The following DDHD2 variants were observed in gnomAD, a reference collection of about 807,000 sequenced individuals.
The protein encoded by DDHD2 is DDHD domain containing 2.
In DDHD2, 62 loss-of-function variants were observed where a neutral mutation model predicts 91.2. That is an observed-to-expected ratio of 0.68 (90% CI 0.55 to 0.84). DDHD2 has a LOEUF of 0.84. Among genes scored for constraint, DDHD2 ranks in the 40% least tolerant of loss-of-function variants. The pLI is 0.00. For synonymous variants in DDHD2, 271 were observed against 293.9 expected, an observed-to-expected ratio of 0.92 and a Z score of 0.80; for missense variants, 740 against 846.9, an observed-to-expected ratio of 0.87 and a Z score of 1.57.
At chr8:38,268,900 GA>G in intron 1 of DDHD2, 1 of 1,557,224 alleles carries the variant, frequency 6.4e-7, no homozygotes, top group Non-Finnish European at 8.6e-7. Flanking sequence ...GCTTGGTGGG[GA>G]AATACTCCGC....
chr8:38,251,609 A>T, intron 11 of DDHD2: 2 of 245,678 alleles, frequency 8.1e-6, no homozygotes. Flanking sequence ...TAACAATTTA[A>T]GGCAATAATT....
intron 3 of DDHD2, among the ~76,000 whole-genome samples, chr8:38,236,188 A>G (rs757262523): frequency 5.6e-4 from 84 of 148,796 alleles, no homozygotes; most frequent in Non-Finnish European, 1.0e-3. Context: ...AATTTTTTGT[A>G]TTTTTAGTAG....
downstream of DDHD2, chr8:38,271,560 GA>G: frequency 6.6e-6 from 1 of 152,270 alleles, no homozygotes; most frequent in Non-Finnish European, 1.5e-5. Context: ...TAGTCCATCT[GA>G]AAATGGAAGC....
At chr8:38,250,091 A>G (rs982741423) in intron 11 of DDHD2, 4 of 181,622 alleles carry the variant, frequency 2.2e-5, no homozygotes, top group Non-Finnish European at 3.5e-5. Flanking sequence ...TAATTTTTGT[A>G]TTTTTAATAG....
chr8:38,238,150 A>T lies in DDHD2; in HGVS notation c.563A>T (p.Gln188Leu), dbSNP rs764482666. The T allele has an allele frequency of 6.2e-7, 1 of 1,614,094 alleles. No homozygotes were observed. Among genetic ancestry groups the T allele is most frequent in the South Asian group, 1.1e-5 (1 of 91,056 alleles). Residue 188 changes from glutamine (Q) to leucine (L), a missense_variant, in exon 5 of 18, where the codon CAG (glutamine) becomes CTG (leucine). Physicochemically the swap from Gln to Leu is moderately radical, Grantham distance 113. Transcript: ENST00000397166. ...GATTGGGGTTCAACACCCACGGAGC[A>T]GGGTCGACCAAGAACTGTGAAGAGA... Reference protein sequence around the residue: ...SDDWGSTPTEQGRPRTVKRGV... With the variant: ...SDDWGSTPTELGRPRTVKRGV...
At position 38,251,924 on chromosome 8, in the gene DDHD2, C is replaced by T; in HGVS notation, c.1357C>T (p.Pro453Ser). The T allele has an allele frequency of 6.2e-7, 1 of 1,613,372 alleles. No individual in the cohort carries two copies. ...TRKNSMGIKR[P>S]APQPASGANI... is the part of the protein sequence containing the mutation. ...TTTTATTCTTTAGGGTATTAAGAGA[C>T]CAGCCCCGCAGCCTGCTTCAGGGGC... is the stretch of plus-strand genomic sequence containing the variant. The change falls in exon 12 of 18, where the codon CCA becomes TCA. Residue 453 changes from proline to serine, a missense_variant. Pro to Ser is a moderately conservative substitution (Grantham distance 74). Around this residue, in one of 2 missense-constraint regions of DDHD2, gnomAD observed 693 missense variants for 764.2 expected, o/e 0.91. Coordinates refer to ENST00000397166, the MANE Select transcript of DDHD2 (RefSeq NM_015214.3).
downstream of DDHD2, chr8:38,272,171 A>G (rs1360874769): frequency 4.6e-5 from 7 of 152,236 alleles, no homozygotes; most frequent in Non-Finnish European, 1.0e-4. Context: ...TTTTGTGTAA[A>G]TGGCAGAAGG....
chr8:38,238,600 C>T (rs985278336), intron 5 of DDHD2: 1 of 1,002,998 alleles, frequency 1.0e-6, no homozygotes, highest in South Asian at 4.3e-5. Context: ...GCACTGCTAT[C>T]TAGGTAGGGT....
At chr8:38,237,706 A>T in intron 4 of DDHD2, 79 bp downstream of exon 4, 1 of 777,238 alleles carries the variant, frequency 1.3e-6, no homozygotes, top group Non-Finnish European at 2.0e-6. Flanking sequence ...TCTTTTGCTA[A>T]GCACTCTGTG....
chr8:38,240,323 G>A lies in DDHD2; in HGVS notation c.671G>A (p.Gly224Glu), dbSNP rs1423370334. The A allele has an allele frequency of 6.2e-7, 1 of 1,610,764 alleles. No homozygotes were observed. Among genetic ancestry groups the A allele is most frequent in the Admixed American group, 1.7e-5 (1 of 59,988 alleles). Reference protein sequence around the residue: ...DHLVFVVHGIGPACDLRFRSI... With the variant: ...DHLVFVVHGIEPACDLRFRSI... ...TTGGTTTTTGTAGTCCATGGGATTG[G>A]ACCAGCTTGTGATCTCCGCTTTCGA... Residue 224 changes from glycine (G) to glutamate (E), a missense_variant, in exon 6 of 18, where the codon GGA (glycine) becomes GAA (glutamate). This residue lies in a region of DDHD2 where 693 missense variants were observed against 764.2 expected (regional missense o/e 0.91). Coordinates refer to ENST00000397166, the MANE Select transcript of DDHD2 (RefSeq NM_015214.3).
chr8:38,246,224 T>C lies in DDHD2; in HGVS notation c.1058-9T>C. On this transcript the variant is annotated splice_polypyrimidine_tract_variant and intron_variant, in intron 8 of 17. Coordinates refer to ENST00000397166, the MANE Select transcript of DDHD2 (RefSeq NM_015214.3). ...TTAGAAATTGTCCCTTCTTCTATTT[T>C]ACTTATAGGTTCGCTTATATTGTTT... 1 of 1,586,694 alleles carries C rather than the reference T, an allele frequency of 6.3e-7. No homozygotes were observed. The highest frequency in any genetic ancestry group is 2.2e-5 in the East Asian group (1 of 44,716).
At position 38,251,931 on chromosome 8, in the gene DDHD2, C is replaced by G; in HGVS notation, c.1364C>G (p.Pro455Arg). Residue 455 changes from proline (P) to arginine (R), a missense_variant, in exon 12 of 18, where the codon CCG becomes CGG. Transcript: ENST00000397166. ...CTTTAGGGTATTAAGAGACCAGCCC[C>G]GCAGCCTGCTTCAGGGGCAAACATC... ...KNSMGIKRPA[P>R]QPASGANIPK... 6.2e-7 allele frequency: 1 copy of G among 1,613,890 alleles called. No homozygotes were observed. The highest frequency in any genetic ancestry group is 8.5e-7 in the Non-Finnish European group (1 of 1,179,830).
At chr8:38,264,491 G>A (rs1807284808), downstream of DDHD2, 3 of 1,553,840 alleles carry the variant, frequency 1.9e-6, no homozygotes, top group South Asian at 1.2e-5. Flanking sequence ...GCAGTGGAAA[G>A]TACAAGTTTG....
rs541551339 is a variant in DDHD2, at chr8:38,232,212, C to T, written c.-9+353C>T. Reference sequence around the variant, plus strand: ...CGTCTGCCGTCCCGCCGGGCCCGCGCGAGATGCCCTCCTGCCCCCCGCCCT... The same window carrying T: ...CGTCTGCCGTCCCGCCGGGCCCGCGTGAGATGCCCTCCTGCCCCCCGCCCT... On this transcript the variant is annotated intron_variant, in intron 1 of 17. Transcript: ENST00000397166. 258 of 153,276 alleles carry T rather than the reference C, an allele frequency of 1.7e-3. 1 individual carries two copies. The highest frequency in any genetic ancestry group is 3.4e-3 in the Middle Eastern group (1 of 298). The allele number at this position is 153,276 out of a possible 1,614,324, so 9.5% of individuals were successfully genotyped here. A position where few individuals can be genotyped will look rare whatever the true frequency, so the allele number is the denominator to read the frequency against.
chr8:38,253,772 T>C lies in DDHD2; in HGVS notation c.2054+54T>C, dbSNP rs901944. The C allele has an allele frequency of 3.8e-6, 6 of 1,561,976 alleles. No individual in the cohort carries two copies. In the South Asian group the frequency reaches 5.7e-5, roughly 15 times the overall value. ...GTTTGTTTACCTGTTTCATAGATATTTGATAGATGTAGAAAAAGGAGGATA... is the reference window on the plus strand; with the variant it reads ...GTTTGTTTACCTGTTTCATAGATATCTGATAGATGTAGAAAAAGGAGGATA... On this transcript the variant is annotated intron_variant, in intron 16 of 17. Coordinates refer to ENST00000397166, the MANE Select transcript of DDHD2 (RefSeq NM_015214.3).
chr8:38,247,287 A>G (rs1805717223), intron 9 of DDHD2: 2 of 151,982 alleles, frequency 1.3e-5, no homozygotes, highest in African/African-American at 4.9e-5. Flanking sequence ...ATGCCACCGT[A>G]CCCGGCTAAT....
At chr8:38,236,237 C>A (rs868568108) in intron 3 of DDHD2, among the ~76,000 whole-genome samples, 2 of 152,060 alleles carry the variant, frequency 1.3e-5, no homozygotes, top group African/African-American at 4.8e-5. Context: ...TGGTCTCAAG[C>A]TCCTGACCTC....
intron 7 of DDHD2, 22 bp from the exon 8 acceptor site, chr8:38,245,720 A>G: frequency 6.2e-7 from 1 of 1,608,210 alleles, no homozygotes; most frequent in Non-Finnish European, 8.5e-7. Context: ...TTTCCTGCTT[A>G]TATTATTTTT....
intron 1 of DDHD2, chr8:38,232,280 A>T (rs1170888692): frequency 6.6e-6 from 1 of 152,396 alleles, no homozygotes; most frequent in Non-Finnish European, 1.5e-5. Flanking sequence ...TGCGGCGCTG[A>T]TCGTTGCCGA....
Sources: allele counts gnomAD v4.1 joint callset (sites outside exome capture counted in the v4.1 genomes callset), GRCh38; gene constraint gnomAD v4.1.1; regional missense constraint gnomAD v4.1.1; transcripts MANE v1.5; gene names NCBI Gene and HGNC (gene_info 2026-07-23, HGNC 2026-07-21).